MAIP1: variants seen among roughly 807,000 people sequenced by gnomAD.
MAIP1 encodes m-AAA protease-interacting protein 1, mitochondrial.
Under a neutral mutation model 31.2 loss-of-function variants are expected in MAIP1, and 28 were observed. The observed-to-expected ratio is 0.90, with a 90% CI of 0.67 to 1.23. MAIP1 has a LOEUF of 1.23. Ranked by LOEUF, MAIP1 falls within the 50% of genes most tolerant of loss-of-function variation. The pLI, the probability that MAIP1 is intolerant of heterozygous loss-of-function variation, is 0.00. For synonymous variants in MAIP1, 142 were observed against 142.3 expected, an observed-to-expected ratio of 1.00 and a Z score of 0.02; for missense variants, 339 against 356.0, an observed-to-expected ratio of 0.95 and a Z score of 0.38.
At chr2:199,958,454 C>A (rs906676941) in intron 1 of MAIP1, among the ~76,000 whole-genome samples, 4 of 152,126 alleles carry the variant, frequency 2.6e-5, no homozygotes, top group African/African-American at 9.7e-5. Flanking sequence ...TCTGACATGC[C>A]ATATCTGACA....
rs2077598768 is a variant in MAIP1 at position 199,955,906 on chromosome 2, G to C, written c.108G>C (p.Ser36=). The change falls in exon 1 of 5, where the codon TCG becomes TCC. Residue 36 remains serine (S), a synonymous_variant. Coordinates refer to ENST00000392290, the MANE Select transcript of MAIP1 (RefSeq NM_001394955.1). The part of the protein sequence containing the change: ...TPAVAEVRLP[S]ATLCYFCRCR... The stretch of plus-strand genomic sequence containing the variant: ...CTGTGGCCGAGGTGAGGCTGCCGTC[G>C]GCCACACTTTGCTACTTCTGCCGCT... 5 of 1,581,788 alleles carry C rather than the reference G, an allele frequency of 3.2e-6. No individual in the cohort carries two copies. Among genetic ancestry groups the C allele is most frequent in the Non-Finnish European group, 4.3e-6 (5 of 1,162,482 alleles).
In MAIP1 at chr2:199,962,014, G is replaced by A. The variant is rs72928264; in HGVS notation, c.797+86G>A. Reference sequence around the variant, plus strand: ...ATGAAAACTAAGAGATCTTTAGGAAGAAAAGAATTGAAATTTGACAAGTTA... The same window carrying A: ...ATGAAAACTAAGAGATCTTTAGGAAAAAAAGAATTGAAATTTGACAAGTTA... On this transcript the variant is annotated intron_variant, in intron 4 of 4. Transcript: ENST00000392290. 3.0e-3 allele frequency: 3,625 copies of A among 1,196,822 alleles called. 9 individuals are homozygous for A. Among genetic ancestry groups the A allele is most frequent in the Non-Finnish European group, 3.8e-3 (3,222 of 854,498 alleles). 74.1% of individuals were successfully genotyped at this position (1,196,822 alleles called of 1,614,324 possible). A position where few individuals can be genotyped will look rare whatever the true frequency, so the allele number is the denominator to read the frequency against.
At position 199,964,095 on chromosome 2, in the gene MAIP1, TAAA is replaced by T. The variant is rs1373145566; in HGVS notation, c.*285_*287del. ...GCTACATATAATTTTATAGACATAA[TAAA>T]GAAGGTATTGAAAAAACTACTTACA... On this transcript the variant is annotated 3_prime_UTR_variant, in exon 5 of 5. Transcript: ENST00000392290. 4.7e-5 allele frequency: 9 copies of T among 193,496 alleles called. No homozygotes were observed. The highest frequency in any genetic ancestry group is 8.4e-5 in the Non-Finnish European group (8 of 95,116). The allele number at this position is 193,496 out of a possible 1,614,324, so 12.0% of individuals were successfully genotyped here.
Position 199,961,761 on chromosome 2 carries a change from G to A in MAIP1, c.650-20G>A, listed in dbSNP as rs746953774. On this transcript the variant is annotated intron_variant, in intron 3 of 4. Transcript: ENST00000392290. Reference sequence around the variant, plus strand: ...TATTTTGATTTGTATTCGTATGTGTGTATATGTTTTTTCTCTAAGGAAGGA... The same window carrying A: ...TATTTTGATTTGTATTCGTATGTGTATATATGTTTTTTCTCTAAGGAAGGA... 1 of 1,600,612 alleles carries A rather than the reference G, an allele frequency of 6.2e-7. No homozygotes were observed. The highest frequency in any genetic ancestry group is 2.2e-5 in the East Asian group (1 of 44,750).
intron 3 of MAIP1, among the ~76,000 whole-genome samples, chr2:199,961,191 G>A (rs1211701854): frequency 6.6e-6 from 1 of 152,146 alleles, no homozygotes; most frequent in Non-Finnish European, 1.5e-5. Flanking sequence ...GGCCAGATGT[G>A]GTGGCTCACA....
At chr2:199,955,435 C>T (rs370452475), upstream of MAIP1, 165 of 1,613,852 alleles carry the variant, frequency 1.0e-4, no homozygotes, top group Admixed American at 3.2e-4. Context: ...GAGAAACGCC[C>T]TCCAGCCGGG....
At chr2:199,963,008 G>A (rs1369305495) in intron 4 of MAIP1, among the ~76,000 whole-genome samples, 2 of 151,614 alleles carry the variant, frequency 1.3e-5, no homozygotes, top group Non-Finnish European at 2.9e-5. Flanking sequence ...TTTTACTAAG[G>A]TAAAAGAGAA....
At chr2:199,955,553 G>A (rs1174323584), upstream of MAIP1, 4 of 1,532,504 alleles carry the variant, frequency 2.6e-6, no homozygotes, top group Non-Finnish European at 8.8e-7. Flanking sequence ...GGAAACACGA[G>A]CGACAGAGAA....
Position 199,955,881 on chromosome 2 carries a change from C to T in MAIP1, c.83C>T (p.Ala28Val), listed in dbSNP as rs943915480. ...PCGAVRLRTP[A>V]VAEVRLPSAT... is the part of the protein sequence containing the mutation. ...GGGGCCGTCCGACTCCGGACTCCTG[C>T]TGTGGCCGAGGTGAGGCTGCCGTCG... The change falls in exon 1 of 5, where the codon GCT (alanine) becomes GTT (valine). Residue 28 changes from alanine to valine, a missense_variant. Coordinates refer to ENST00000392290, the MANE Select transcript of MAIP1 (RefSeq NM_001394955.1). 11 of 1,559,572 alleles carry T rather than the reference C, an allele frequency of 7.1e-6. No homozygotes were observed. The highest frequency in any genetic ancestry group is 9.5e-6 in the Non-Finnish European group (11 of 1,152,550).
At position 199,956,050 on chromosome 2, in the gene MAIP1, C is replaced by T. The variant is rs757524262; in HGVS notation, c.252C>T (p.Ala84=). The change falls in exon 1 of 5, where the codon GCC becomes GCT. Residue 84 remains alanine, a synonymous_variant. Transcript: ENST00000392290. The part of the protein sequence containing the change: ...PVLSSPGLPA[A]FASFPACPQR... ...TCAGCAGCCCGGGACTCCCCGCAGCCTTCGCTTCTTTCCCTGCCTGCCCTC... is the reference window on the plus strand; with the variant it reads ...TCAGCAGCCCGGGACTCCCCGCAGCTTTCGCTTCTTTCCCTGCCTGCCCTC... The T allele has an allele frequency of 6.2e-7, 1 of 1,611,598 alleles. No individual in the cohort carries two copies. The highest frequency in any genetic ancestry group is 1.7e-5 in the Admixed American group (1 of 59,416).
upstream of MAIP1, chr2:199,955,328 G>A (rs554826294): frequency 3.8e-6 from 6 of 1,564,658 alleles, no homozygotes; most frequent in East Asian, 7.0e-5. Flanking sequence ...GTTCCCAGCT[G>A]TCCGAAAGGT....
At chr2:199,959,106 A>G (rs139600985) in intron 1 of MAIP1, among the ~76,000 whole-genome samples, 162 bp from the exon 2 acceptor site, 67 of 152,382 alleles carry the variant, frequency 4.4e-4, no homozygotes, top group Non-Finnish European at 5.6e-4. Context: ...AAGGCCATAT[A>G]TGAAAAGTCA....
At chr2:199,955,385 G>A, upstream of MAIP1, 2 of 1,613,030 alleles carry the variant, frequency 1.2e-6, no homozygotes, top group Non-Finnish European at 1.7e-6. Flanking sequence ...CCCGCGCGAG[G>A]GCCTCACCTG....
rs1574822907 is a variant in MAIP1, at chr2:199,963,864, G to A, written c.*53G>A. Reference sequence around the variant, plus strand: ...TTTAGCAGTTGCTGTGAAAAACTAAGGAAGAAAAATTTTGGGGTCATTTGA... The same window carrying A: ...TTTAGCAGTTGCTGTGAAAAACTAAAGAAGAAAAATTTTGGGGTCATTTGA... On this transcript the variant is annotated 3_prime_UTR_variant, in exon 5 of 5. Coordinates refer to ENST00000392290, the MANE Select transcript of MAIP1 (RefSeq NM_001394955.1). The A allele has an allele frequency of 8.5e-7, 1 of 1,169,622 alleles. No homozygotes were observed. Among genetic ancestry groups the A allele is most frequent in the Non-Finnish European group, 1.3e-6 (1 of 799,466 alleles). 72.5% of individuals were successfully genotyped at this position (1,169,622 alleles called of 1,614,324 possible). A position where few individuals can be genotyped will look rare whatever the true frequency, so the allele number is the denominator to read the frequency against.
At chr2:199,956,762 C>T (rs2077608053) in intron 1 of MAIP1, among the ~76,000 whole-genome samples, 1 of 152,172 alleles carries the variant, frequency 6.6e-6, no homozygotes, top group African/African-American at 2.4e-5. Flanking sequence ...GAACTTCCTG[C>T]CAGCTATTAG....
At chr2:199,960,381 C>G (rs974903167) in intron 3 of MAIP1, among the ~76,000 whole-genome samples, 1 of 152,110 alleles carries the variant, frequency 6.6e-6, no homozygotes, top group African/African-American at 2.4e-5. Context: ...TTATCTGGTT[C>G]TTCTTGTCTG....
At chr2:199,962,250 G>C (rs1433406988) in intron 4 of MAIP1, among the ~76,000 whole-genome samples, 1 of 152,134 alleles carries the variant, frequency 6.6e-6, no homozygotes, top group Non-Finnish European at 1.5e-5. Context: ...CTCAGTTAGG[G>C]GGTTTTCTCT....
upstream of MAIP1, chr2:199,955,406 TG>T (rs2077589841): frequency 2.5e-6 from 4 of 1,613,328 alleles, no homozygotes; most frequent in South Asian, 4.4e-5. Flanking sequence ...TGGGTAGAGG[TG>T]CTGCATGAAC....
intron 1 of MAIP1, among the ~76,000 whole-genome samples, chr2:199,958,685 T>G (rs1384141146): frequency 6.6e-6 from 1 of 152,242 alleles, no homozygotes; most frequent in Non-Finnish European, 1.5e-5. Context: ...ACTCACAGTT[T>G]GCTTTCTCAT....
Sources: gnomAD v4.1 joint callset for allele counts (sites outside exome capture counted in the v4.1 genomes callset) on GRCh38, gnomAD v4.1.1 for gene constraint, MANE v1.5 for transcripts, NCBI Gene and HGNC (gene_info 2026-07-23, HGNC 2026-07-21) for gene names.